DLC1: variants seen among roughly 807,000 people sequenced by gnomAD.
The protein encoded by DLC1 is DLC1 Rho GTPase activating protein, also known as rho GTPase-activating protein 7.
Under a neutral mutation model 140.3 loss-of-function variants are expected in DLC1, and 54 were observed. The observed-to-expected ratio is 0.38, with a 90% CI of 0.31 to 0.48. The LOEUF (loss-of-function observed/expected upper bound fraction) is 0.48. DLC1 is among the 20% of genes least tolerant of loss of function. DLC1 has a pLI of 0.96. For synonymous variants in DLC1, 986 were observed against 728.1 expected, an observed-to-expected ratio of 1.35 and a Z score of -5.70; for missense variants, 2,536 against 1,907.0, an observed-to-expected ratio of 1.33 and a Z score of -6.14.
intron 1 of DLC1, among the ~76,000 whole-genome samples, chr8:13,565,529 G>T (rs183029079): frequency 3.3e-5 from 5 of 152,150 alleles, no homozygotes; most frequent in African/African-American, 1.2e-4. Context: ...TAAAATTTGG[G>T]TTGAATAAAT....
rs143819055 is a variant in DLC1 at position 13,091,035 on chromosome 8, G to A, written c.3855+283C>T. ...GTTGCCCGGGTTGGTCTTGAACTCC[G>A]GAGCTCAAGTGATCCACCCACCTCA... On this transcript the variant is annotated intron_variant, in intron 14 of 17. Transcript: ENST00000276297. Among the ~76,000 whole-genome samples the A allele has an allele frequency of 5.1e-3, 769 of 151,456 alleles. 8 individuals are homozygous for A. The highest frequency in any genetic ancestry group is 0.036 in the South Asian group (173 of 4,788).
rs34321250 is a variant in DLC1, at chr8:13,141,256, C to CAAAAAAAAAAAAAAAAAAAA, written c.1349-25619_1349-25600dup. On this transcript the variant is annotated intron_variant, in intron 5 of 17. Coordinates refer to ENST00000276297, the MANE Select transcript of DLC1 (RefSeq NM_182643.3). ...GGTGACACAGTGCAAGAGTCTGTCT[C>CAAAAAAAAAAAAAAAAAAAA]AAAAAAAAAAAAAAAAAAAAAAAAA... Among the ~76,000 whole-genome samples the CAAAAAAAAAAAAAAAAAAAA allele has an allele frequency of 1.6e-4, 10 of 63,766 alleles. 1 individual carries two copies. Among genetic ancestry groups the CAAAAAAAAAAAAAAAAAAAA allele is most frequent in the African/African-American group, 3.5e-4 (4 of 11,544 alleles). 41.8% of individuals were successfully genotyped at this position (63,766 alleles called of 152,430 possible). A position where few individuals can be genotyped will look rare whatever the true frequency, so the allele number is the denominator to read the frequency against.
chr8:13,221,435 A>G (rs539702912), intron 5 of DLC1, among the ~76,000 whole-genome samples: 3 of 151,294 alleles, frequency 2.0e-5, no homozygotes, highest in South Asian at 2.1e-4. Flanking sequence ...CAGTGGTGCA[A>G]TCTCAGCTCA....
intron 17 of DLC1, 167 bp downstream of exon 17, chr8:13,086,123 G>T: frequency 7.6e-7 from 1 of 1,317,032 alleles, no homozygotes; most frequent in African/African-American, 1.5e-5. Flanking sequence ...TTACGAAGTG[G>T]TCGCTGAAAG....
At chr8:13,416,756 G>A (rs1241589613) in intron 2 of DLC1, among the ~76,000 whole-genome samples, 2 of 152,200 alleles carry the variant, frequency 1.3e-5, no homozygotes, top group Non-Finnish European at 2.9e-5. Flanking sequence ...TTACTTAAAT[G>A]TAGATTCCTG....
At chr8:13,388,538 TTAA>T (rs1169135195) in intron 4 of DLC1, among the ~76,000 whole-genome samples, 7 of 152,016 alleles carry the variant, frequency 4.6e-5, no homozygotes, top group Admixed American at 2.6e-4. Flanking sequence ...ACATAAGAAC[TTAA>T]TAATTACTAA....
intron 1 of DLC1, among the ~76,000 whole-genome samples, chr8:13,552,247 A>T (rs1803893250): frequency 6.8e-6 from 1 of 147,324 alleles, no homozygotes; most frequent in African/African-American, 2.5e-5. Context: ...ATATACCCCC[A>T]TACCTGTCTA....
intron 5 of DLC1, among the ~76,000 whole-genome samples, chr8:13,262,716 G>A (rs1380489451): frequency 2.0e-5 from 3 of 152,138 alleles, no homozygotes; most frequent in African/African-American, 7.2e-5. Flanking sequence ...ATGAGCCACT[G>A]CGCCTGGATC....
intron 2 of DLC1, among the ~76,000 whole-genome samples, chr8:13,464,725 T>A (rs1217499574): frequency 2.1e-5 from 3 of 144,540 alleles, no homozygotes; most frequent in African/African-American, 7.6e-5. Context: ...CTTGCTTTTT[T>A]AAAAAATATA....
At chr8:13,599,845 T>G (rs770140296) in intron 1 of DLC1, among the ~76,000 whole-genome samples, 27 of 151,944 alleles carry the variant, frequency 1.8e-4, no homozygotes, top group Non-Finnish European at 3.7e-4. Flanking sequence ...ATAAAAATTT[T>G]TATATGATAA....
chr8:13,137,384 T>C (rs1169508499), intron 5 of DLC1, among the ~76,000 whole-genome samples: 1 of 152,192 alleles, frequency 6.6e-6, no homozygotes, highest in African/African-American at 2.4e-5. Context: ...GAATTACCTG[T>C]TCAATGTAGC....
intron 2 of DLC1, among the ~76,000 whole-genome samples, chr8:13,491,119 G>C (rs1385248842): frequency 6.7e-6 from 1 of 148,158 alleles, no homozygotes; most frequent in Non-Finnish European, 1.5e-5. Context: ...TATATATTCA[G>C]ATTTAATATT....
At chr8:13,370,313 C>T (rs925715608) in intron 4 of DLC1, among the ~76,000 whole-genome samples, 3 of 152,110 alleles carry the variant, frequency 2.0e-5, no homozygotes, top group African/African-American at 2.4e-5. Flanking sequence ...AATGTCCATT[C>T]TGTTCACGGA....
chr8:13,163,817 GA>G (rs967649425), intron 5 of DLC1, among the ~76,000 whole-genome samples: 3 of 151,494 alleles, frequency 2.0e-5, no homozygotes, highest in Admixed American at 6.6e-5. Context: ...ACACAAAAGG[GA>G]AAAAAAATGC....
At chr8:13,393,501 A>G (rs1836859604) in intron 4 of DLC1, 52 bp downstream of exon 4, 2 of 1,558,604 alleles carry the variant, frequency 1.3e-6, no homozygotes, top group East Asian at 2.3e-5. Flanking sequence ...CTCTTACCTG[A>G]TGATCATCAA....
At chr8:13,324,335 G>A (rs1373248185) in intron 4 of DLC1, among the ~76,000 whole-genome samples, 6 of 152,128 alleles carry the variant, frequency 3.9e-5, no homozygotes, top group East Asian at 1.9e-4. Flanking sequence ...TTGGGAGGCC[G>A]AGGCGGATGG....
intron 5 of DLC1, among the ~76,000 whole-genome samples, chr8:13,298,484 C>G (rs1832050979): frequency 6.6e-6 from 1 of 152,168 alleles, no homozygotes; most frequent in South Asian, 2.1e-4. Context: ...TTGATTAACA[C>G]CTGTTTTACA....
rs113345132 is a variant in DLC1, at chr8:13,354,541, C to T, written c.1314+39012G>A. ...TTTAGAAGTTAAAAAAATAACTGAACTTGTTTGGTTAAAATGCATTCACGC... is the reference window on the plus strand; with the variant it reads ...TTTAGAAGTTAAAAAAATAACTGAATTTGTTTGGTTAAAATGCATTCACGC... On this transcript the variant is annotated intron_variant, in intron 4 of 17. Coordinates refer to ENST00000276297, the MANE Select transcript of DLC1 (RefSeq NM_182643.3). Among the ~76,000 whole-genome samples, 218 of 152,026 alleles carry T rather than the reference C, an allele frequency of 1.4e-3. 1 individual carries two copies. Among genetic ancestry groups the T allele is most frequent in the African/African-American group, 5.0e-3 (209 of 41,488 alleles).
At chr8:13,134,984 G>C (rs1822443473) in intron 5 of DLC1, among the ~76,000 whole-genome samples, 1 of 152,114 alleles carries the variant, frequency 6.6e-6, no homozygotes, top group Non-Finnish European at 1.5e-5. Flanking sequence ...GTATGAAAAA[G>C]CGGTGCTGTG....
Sources: gnomAD v4.1 joint callset for allele counts (sites outside exome capture counted in the v4.1 genomes callset) on GRCh38, gnomAD v4.1.1 for gene constraint, MANE v1.5 for transcripts, NCBI Gene and HGNC (gene_info 2026-07-23, HGNC 2026-07-21) for gene names.